The following SHF variants were observed in gnomAD, a reference collection of about 807,000 sequenced individuals.
SHF encodes the protein SH2 domain-containing adapter protein F.
In SHF, 30 loss-of-function variants were observed where a neutral mutation model predicts 42.4. The ratio of observed to expected loss-of-function variants is 0.71; its 90% CI spans 0.53 to 0.96. SHF has a LOEUF of 0.96. Ranked by LOEUF, SHF falls within the 40% of genes least tolerant of loss-of-function variation. The pLI, the probability that SHF is intolerant of heterozygous loss-of-function variation, is 0.00. For synonymous variants in SHF, 264 were observed against 269.9 expected, an observed-to-expected ratio of 0.98 and a Z score of 0.21; for missense variants, 598 against 634.0, an observed-to-expected ratio of 0.94 and a Z score of 0.61.
intron 3 of SHF, chr15:45,174,456 G>C (rs1897687504): frequency 6.5e-6 from 1 of 152,924 alleles, no homozygotes; most frequent in Admixed American, 6.5e-5. Flanking sequence ...TGTCAGGGTG[G>C]GGAGGGCAGA....
intron 1 of SHF, among the ~76,000 whole-genome samples, chr15:45,199,473 A>G (rs1429157337): frequency 6.6e-6 from 1 of 152,166 alleles, no homozygotes; most frequent in African/African-American, 2.4e-5. Context: ...ACCCTCTCCC[A>G]TCAATCCTCC....
At chr15:45,180,275 G>C (rs1898058521) in intron 1 of SHF, among the ~76,000 whole-genome samples, 1 of 152,068 alleles carries the variant, frequency 6.6e-6, no homozygotes, top group South Asian at 2.1e-4. Context: ...TCCTCCTTCT[G>C]CCAGGAAGTA....
At chr15:45,187,052 G>A (rs1003232204) in intron 1 of SHF, among the ~76,000 whole-genome samples, 2 of 152,254 alleles carry the variant, frequency 1.3e-5, no homozygotes, top group Non-Finnish European at 2.9e-5. Flanking sequence ...GGAAGGGTCA[G>A]AGATCAAAGG....
chr15:45,168,865 T>C (rs1281353144), intron 6 of SHF, among the ~76,000 whole-genome samples: 3 of 152,194 alleles, frequency 2.0e-5, no homozygotes, highest in Non-Finnish European at 2.9e-5. Flanking sequence ...CATTAGTGCC[T>C]GGCCCCGCCC....
At chr15:45,176,155 C>A (rs1339084386) in intron 2 of SHF, among the ~76,000 whole-genome samples, 4 of 152,212 alleles carry the variant, frequency 2.6e-5, no homozygotes, top group Admixed American at 2.6e-4. Context: ...CAGAATTATT[C>A]TTTGCTGCCC....
chr15:45,173,425 G>C (rs1595614647), intron 4 of SHF, 151 bp downstream of exon 4: 1 of 1,208,560 alleles, frequency 8.3e-7, no homozygotes, highest in East Asian at 2.8e-5. Flanking sequence ...GGGGAAGGGA[G>C]GAACGTGCAT....
At chr15:45,187,103 A>G (rs1243506509) in intron 1 of SHF, among the ~76,000 whole-genome samples, 1 of 152,244 alleles carries the variant, frequency 6.6e-6, no homozygotes, top group East Asian at 1.9e-4. Context: ...AAGGCCATCA[A>G]CCAGTGGGGG....
At chr15:45,183,487 A>G (rs1476458857) in intron 1 of SHF, among the ~76,000 whole-genome samples, 1 of 152,376 alleles carries the variant, frequency 6.6e-6, no homozygotes, top group East Asian at 1.9e-4. Context: ...GTGAAGCCCT[A>G]AGGCTAGGCA....
intron 2 of SHF, among the ~76,000 whole-genome samples, chr15:45,198,351 C>T (rs961170676): frequency 6.6e-6 from 1 of 151,976 alleles, no homozygotes; most frequent in Non-Finnish European, 1.5e-5. Context: ...ATCACAGGGT[C>T]ATAGGGGAGC....
upstream of SHF, among the ~76,000 whole-genome samples, chr15:45,190,338 C>G (rs1173982979): frequency 6.6e-6 from 1 of 152,164 alleles, no homozygotes; most frequent in East Asian, 1.9e-4. Context: ...TAATGTATAT[C>G]AGAGAGTCTC....
chr15:45,188,024 G>C (rs1469218147), upstream of SHF: 3 of 282,756 alleles, frequency 1.1e-5, no homozygotes, highest in African/African-American at 4.5e-5. Context: ...GAGGGGGGCG[G>C]GGCTCCGCCG....
intron 2 of SHF, among the ~76,000 whole-genome samples, chr15:45,198,334 GA>G (rs1275130748): frequency 1.3e-5 from 2 of 151,938 alleles, no homozygotes; most frequent in African/African-American, 4.8e-5. Context: ...CATGAAAAGA[GA>G]AAAAAATCAC....
intron 2 of SHF, 67 bp downstream of exon 2, chr15:45,178,098 T>C: frequency 6.5e-7 from 1 of 1,547,106 alleles, no homozygotes; most frequent in Non-Finnish European, 8.7e-7. Flanking sequence ...CTTAGACTTG[T>C]GAGTCGCAAA....
In SHF at chr15:45,176,050, C is replaced by A. The variant is rs996892489; in HGVS notation, c.641-625G>T. Among the ~76,000 whole-genome samples, 8 of 152,180 alleles carry A rather than the reference C, an allele frequency of 5.3e-5. No individual in the cohort carries two copies. The South Asian group carries it at 1.7e-3, about 32-fold the overall frequency. On this transcript the variant is annotated intron_variant, in intron 2 of 6. Coordinates refer to ENST00000690270, the MANE Select transcript of SHF (RefSeq NM_001394037.1). The stretch of plus-strand genomic sequence containing the variant: ...GGCCAGGCTGGTCTCAAACTCCTGA[C>A]CTCAGGTGATCTGCCTGCCTCGGCC...
chr15:45,193,070 C>G (rs762523503), intron 2 of SHF, among the ~76,000 whole-genome samples: 3 of 152,200 alleles, frequency 2.0e-5, no homozygotes, highest in Non-Finnish European at 2.9e-5. Context: ...GAACTTTTAG[C>G]TATTTTCTTC....
chr15:45,197,284 A>T (rs1304200975), intron 2 of SHF, among the ~76,000 whole-genome samples: 1 of 149,536 alleles, frequency 6.7e-6, no homozygotes, highest in East Asian at 2.0e-4. Context: ...AAACCTGGCC[A>T]TGTCACTCAT....
chr15:45,172,360 G>A, intron 4 of SHF, 42 bp from the exon 5 acceptor site: 1 of 1,511,492 alleles, frequency 6.6e-7, no homozygotes, highest in Non-Finnish European at 8.8e-7. Context: ...GGACCCTAGA[G>A]GTCCTCAGAG....
In SHF at chr15:45,167,467, T is replaced by A. The variant is rs1897287456; in HGVS notation, c.*480A>T. Reference sequence around the variant, plus strand: ...AAGCCGGCTGCTTCCCAGGGGCCTGTCTTCCCCAAACCTCTTACCAGACTC... The same window carrying A: ...AAGCCGGCTGCTTCCCAGGGGCCTGACTTCCCCAAACCTCTTACCAGACTC... On this transcript the variant is annotated 3_prime_UTR_variant, in exon 7 of 7. Transcript: ENST00000690270. 6.5e-6 allele frequency: 1 copy of A among 152,764 alleles called. No homozygotes were observed. The highest frequency in any genetic ancestry group is 1.5e-5 in the Non-Finnish European group (1 of 68,456). 9.5% of individuals were successfully genotyped at this position (152,764 alleles called of 1,614,324 possible).
chr15:45,174,181 C>A, intron 3 of SHF: 1 of 190,500 alleles, frequency 5.2e-6, no homozygotes, highest in Non-Finnish European at 1.1e-5. Context: ...AAGAGCCAGC[C>A]TCGCCTCAGG....
Sources: gnomAD v4.1 joint callset for allele counts (sites outside exome capture counted in the v4.1 genomes callset) on GRCh38, gnomAD v4.1.1 for gene constraint, MANE v1.5 for transcripts, NCBI Gene and HGNC (gene_info 2026-07-23, HGNC 2026-07-21) for gene names.